Variants in LRBA observed in about 807,000 individuals in gnomAD.
LRBA encodes LPS responsive beige-like anchor protein, also known as lipopolysaccharide-responsive and beige-like anchor protein.
Under a neutral mutation model 330.0 loss-of-function variants are expected in LRBA, and 176 were observed. That is an observed-to-expected ratio of 0.53 (90% CI 0.47 to 0.60). LRBA has a LOEUF of 0.60. Among genes scored for constraint, LRBA ranks in the 20% least tolerant of loss-of-function variants. The pLI is 0.00. For missense variants in LRBA, 3,259 were observed against 3,444.8 expected (o/e 0.95, Z 1.35); for synonymous variants, 1,230 against 1,193.0 (o/e 1.03, Z -0.64).
chr4:150,414,241 C>T (rs1166071958), intron 47 of LRBA, among the ~76,000 whole-genome samples: 1 of 152,036 alleles, frequency 6.6e-6, no homozygotes, highest in Non-Finnish European at 1.5e-5. Context: ...GGTCAGATTC[C>T]AAAGCTTACA....
chr4:150,539,413 T>C (rs545098951), intron 40 of LRBA, among the ~76,000 whole-genome samples: 1 of 152,372 alleles, frequency 6.6e-6, no homozygotes, highest in South Asian at 2.1e-4. Context: ...GGTATTTTCT[T>C]CTTTCACTTG....
At chr4:150,913,663 C>T (rs1002021517) in intron 9 of LRBA, among the ~76,000 whole-genome samples, 6 of 152,180 alleles carry the variant, frequency 3.9e-5, no homozygotes, top group African/African-American at 1.4e-4. Flanking sequence ...TTGCTATCTA[C>T]TTCTTTTAAT....
chr4:150,504,330 A>G (rs2360070), intron 40 of LRBA, among the ~76,000 whole-genome samples: 132,765 of 152,134 alleles, frequency 0.87, 58,742 homozygotes, highest in Non-Finnish European at 0.95. Context: ...AAAATGTTAA[A>G]TGCAGCCAGA....
In LRBA at chr4:150,489,506, G is replaced by T. The variant is rs1469017267; in HGVS notation, c.6448+1412C>A. Among the ~76,000 whole-genome samples the T allele has an allele frequency of 1.9e-3, 64 of 33,512 alleles. 17 individuals carry two copies. Among genetic ancestry groups the T allele is most frequent in the Non-Finnish European group, 3.9e-3 (48 of 12,348 alleles). 22.0% of individuals were successfully genotyped at this position (33,512 alleles called of 152,430 possible). ...AGAATATATAATATATTATATATAA[G>T]AATATATAATATATAAGAATACATA... On this transcript the variant is annotated intron_variant, in intron 41 of 56. Transcript: ENST00000651943.
chr4:150,368,352 T>C (rs1353065769), intron 47 of LRBA, among the ~76,000 whole-genome samples: 1 of 152,170 alleles, frequency 6.6e-6, no homozygotes. Flanking sequence ...AAATTGTCCA[T>C]TAAACTACAA....
intron 37 of LRBA, among the ~76,000 whole-genome samples, chr4:150,629,679 C>G: frequency 6.8e-6 from 1 of 146,852 alleles, no homozygotes; most frequent in Non-Finnish European, 1.5e-5. Context: ...TAAAGAAATA[C>G]ATATTGCAAG....
At chr4:150,459,351 G>A (rs1357242870) in intron 44 of LRBA, among the ~76,000 whole-genome samples, 2 of 151,984 alleles carry the variant, frequency 1.3e-5, no homozygotes, top group East Asian at 3.9e-4. Flanking sequence ...ACAGAGGGAA[G>A]AGTAGTTGGA....
rs115886575 is a variant in LRBA at position 150,569,483 on chromosome 4, C to A, written c.6330+18565G>T. ...TCCCATCAATGATTTGTTCAGCTTG[C>A]GTAAGTCACAACTGATTGGACACAG... On this transcript the variant is annotated intron_variant, in intron 40 of 56. Transcript: ENST00000651943. Among the ~76,000 whole-genome samples the A allele has an allele frequency of 2.7e-3, 407 of 152,212 alleles. 1 individual carries two copies. The highest frequency in any genetic ancestry group is 6.8e-3 in the Middle Eastern group (2 of 294).
At chr4:150,955,421 G>T (rs1334097457) in intron 2 of LRBA, among the ~76,000 whole-genome samples, 3 of 149,100 alleles carry the variant, frequency 2.0e-5, no homozygotes, top group East Asian at 3.8e-4. Flanking sequence ...ATAGAAGAAA[G>T]ATACTAAATC....
intron 2 of LRBA, among the ~76,000 whole-genome samples, chr4:150,949,591 G>A (rs1206317301): frequency 6.6e-6 from 1 of 152,022 alleles, no homozygotes; most frequent in Non-Finnish European, 1.5e-5. Context: ...ATGTGAATCA[G>A]CAATTATCTC....
intron 33 of LRBA, 31 bp from the exon 34 acceptor site, chr4:150,798,173 T>G: frequency 7.1e-7 from 1 of 1,405,194 alleles, no homozygotes; most frequent in Non-Finnish European, 1.0e-6. Flanking sequence ...AAAAAGAAGT[T>G]ATAAAGAAAA....
At chr4:150,428,117 T>C (rs1337152126) in intron 46 of LRBA, among the ~76,000 whole-genome samples, 6 of 152,058 alleles carry the variant, frequency 3.9e-5, no homozygotes, top group Non-Finnish European at 8.8e-5. Context: ...TATTAAATTA[T>C]ATATGAGTTC....
intron 2 of LRBA, among the ~76,000 whole-genome samples, chr4:150,999,759 G>C (rs1467317707): frequency 6.6e-6 from 1 of 151,580 alleles, no homozygotes; most frequent in Non-Finnish European, 1.5e-5. Context: ...GAGGCTCCAG[G>C]CAAACTTAAT....
At chr4:150,454,972 AT>A (rs751715206) in intron 44 of LRBA, among the ~76,000 whole-genome samples, 7 of 122,464 alleles carry the variant, frequency 5.7e-5, no homozygotes, top group South Asian at 6.0e-4. Context: ...GTTTTATTTT[AT>A]TTTTTATTTT....
At chr4:150,934,583 A>G (rs1734874145) in intron 2 of LRBA, among the ~76,000 whole-genome samples, 1 of 152,186 alleles carries the variant, frequency 6.6e-6, no homozygotes, top group Non-Finnish European at 1.5e-5. Flanking sequence ...TTGCTTATTT[A>G]GAAAATGGCT....
At chr4:150,431,950 A>AG (rs1312459359) in intron 46 of LRBA, among the ~76,000 whole-genome samples, 12 of 152,188 alleles carry the variant, frequency 7.9e-5, no homozygotes. Flanking sequence ...TCTTTAAAAT[A>AG]AAAAGAATTA....
At chr4:150,640,274 A>G (rs192753404) in intron 37 of LRBA, among the ~76,000 whole-genome samples, 84 of 152,250 alleles carry the variant, frequency 5.5e-4, no homozygotes, top group African/African-American at 2.0e-3. Context: ...CACATTATAG[A>G]CAATCACACA....
chr4:150,620,623 C>T (rs1776203524), intron 37 of LRBA, among the ~76,000 whole-genome samples: 1 of 152,030 alleles, frequency 6.6e-6, no homozygotes, highest in African/African-American at 2.4e-5. Flanking sequence ...TACTACTCAG[C>T]CATAAAAAAG....
At chr4:151,005,095 A>C (rs146904520) in intron 2 of LRBA, among the ~76,000 whole-genome samples, 9 of 152,316 alleles carry the variant, frequency 5.9e-5, no homozygotes, top group Admixed American at 5.9e-4. Context: ...ACTAATCTAC[A>C]CAGGATTCCC....
Sources: gnomAD v4.1 joint callset for allele counts (sites outside exome capture counted in the v4.1 genomes callset) on GRCh38, gnomAD v4.1.1 for gene constraint, MANE v1.5 for transcripts, NCBI Gene and HGNC (gene_info 2026-07-23, HGNC 2026-07-21) for gene names.